The following ENPP1 variants were observed in gnomAD, a reference collection of about 807,000 sequenced individuals.
ENPP1 encodes ectonucleotide pyrophosphatase/phosphodiesterase family member 1.
A neutral mutation model predicts 122.8 loss-of-function variants in ENPP1; 73 were observed. The ratio of observed to expected loss-of-function variants is 0.59; its 90% CI spans 0.49 to 0.72. ENPP1 has a LOEUF of 0.72. Ranked by LOEUF, ENPP1 falls within the 30% of genes least tolerant of loss-of-function variation. The pLI is 0.00. For missense variants in ENPP1, 978 were observed against 1,128.1 expected, an observed-to-expected ratio of 0.87 and a Z score of 1.91; for synonymous variants, 367 against 391.6, an observed-to-expected ratio of 0.94 and a Z score of 0.74.
chr6:131,847,643 T>A, intron 1 of ENPP1, 133 bp from the exon 2 acceptor site: 1 of 656,128 alleles, frequency 1.5e-6, no homozygotes, highest in Non-Finnish European at 2.6e-6. Context: ...GATTTCGAGG[T>A]TACAGTGAAC....
At chr6:131,887,650 C>A (rs1448871070) in intron 24 of ENPP1, among the ~76,000 whole-genome samples, 1 of 146,108 alleles carries the variant, frequency 6.8e-6, no homozygotes, top group Non-Finnish European at 1.5e-5. Flanking sequence ...GCTCCGCCTT[C>A]TGGGCTCACG....
chr6:131,874,149 C>T (rs373608864), intron 15 of ENPP1, 119 bp from the exon 16 acceptor site: 25 of 713,684 alleles, frequency 3.5e-5, no homozygotes, highest in African/African-American at 1.1e-4. Context: ...TTTTATTTAC[C>T]GTTGTGTTGG....
chr6:131,860,874 A>G (rs926420009), intron 8 of ENPP1, among the ~76,000 whole-genome samples: 16 of 152,248 alleles, frequency 1.1e-4, no homozygotes, highest in South Asian at 2.1e-4. Flanking sequence ...CTTCTTTCCA[A>G]TTGTGATCTC....
At chr6:131,872,240 A>G (rs1782171536) in intron 14 of ENPP1, 139 bp downstream of exon 14, 2 of 658,196 alleles carry the variant, frequency 3.0e-6, no homozygotes, top group Non-Finnish European at 5.2e-6. Flanking sequence ...AATGCTGTGT[A>G]GTTTAAAGAT....
chr6:131,860,217 C>T (rs1362878154), intron 7 of ENPP1, among the ~76,000 whole-genome samples, 170 bp from the exon 8 acceptor site: 1 of 152,162 alleles, frequency 6.6e-6, no homozygotes, highest in African/African-American at 2.4e-5. Context: ...TACATAAAAT[C>T]TTAAGAGGTT....
At chr6:131,838,948 C>G (rs977571838) in intron 1 of ENPP1, among the ~76,000 whole-genome samples, 6 of 152,180 alleles carry the variant, frequency 3.9e-5, no homozygotes, top group African/African-American at 1.4e-4. Context: ...ATTCTCTAGC[C>G]CATGAAGAGA....
At chr6:131,856,496 A>G (rs1203486786) in intron 6 of ENPP1, among the ~76,000 whole-genome samples, 1 of 148,352 alleles carries the variant, frequency 6.7e-6, no homozygotes, top group Non-Finnish European at 1.5e-5. Flanking sequence ...TAGTTTAATT[A>G]GATCCCATTT....
chr6:131,826,447 G>T, intron 1 of ENPP1: 1 of 944,718 alleles, frequency 1.1e-6, no homozygotes, highest in Non-Finnish European at 1.7e-6. Flanking sequence ...AGTTTATCCA[G>T]GAATGTAAGT....
chr6:131,846,345 G>T (rs1319662480), intron 1 of ENPP1, among the ~76,000 whole-genome samples: 1 of 152,036 alleles, frequency 6.6e-6, no homozygotes, highest in Non-Finnish European at 1.5e-5. Context: ...GCTAAGATAG[G>T]CTGTTCATTA....
chr6:131,871,510 A>G (rs1782161834), intron 13 of ENPP1, among the ~76,000 whole-genome samples: 1 of 152,232 alleles, frequency 6.6e-6, no homozygotes, highest in South Asian at 2.1e-4. Context: ...CTCCTACTTG[A>G]CAACTCATTT....
intron 20 of ENPP1, among the ~76,000 whole-genome samples, chr6:131,881,751 G>C (rs1211397946): frequency 2.0e-5 from 3 of 151,556 alleles, no homozygotes; most frequent in South Asian, 2.1e-4. Context: ...GGCGTGGTGG[G>C]TCACACCTGT....
intron 20 of ENPP1, 66 bp downstream of exon 20, chr6:131,880,100 C>A: frequency 7.0e-7 from 1 of 1,437,970 alleles, no homozygotes; most frequent in Non-Finnish European, 9.8e-7. Context: ...ACATTAAATG[C>A]ATAGTTTCTC....
chr6:131,892,327 T>A lies in ENPP1; in HGVS notation c.*1816T>A, dbSNP rs1238593990. On this transcript the variant is annotated 3_prime_UTR_variant, in exon 25 of 25. Transcript: ENST00000647893. Reference sequence around the variant, plus strand: ...GGGAATTGGGAGCACTGCTTCATTATTACCAGGTGTGGCTAGGAGTCCAGG... The same window carrying A: ...GGGAATTGGGAGCACTGCTTCATTAATACCAGGTGTGGCTAGGAGTCCAGG... 1 of 152,270 alleles carries A rather than the reference T, an allele frequency of 6.6e-6. No homozygotes were observed. The highest frequency in any genetic ancestry group is 1.5e-5 in the Non-Finnish European group (1 of 68,076). The allele number at this position is 152,270 out of a possible 1,614,324, so 9.4% of individuals were successfully genotyped here.
chr6:131,886,574 C>A lies in ENPP1; in HGVS notation c.2457C>A (p.Val819=). 6.2e-7 allele frequency: 1 copy of A among 1,612,392 alleles called. No individual in the cohort carries two copies. The highest frequency in any genetic ancestry group is 1.1e-5 in the South Asian group (1 of 90,956). ...SLENLRQKRR[V]IRNQEILIPT... is the part of the protein sequence containing the mutation. ...GCATGTTTTACAGAAAAAGAAGAGT[C>A]ATCCGTAACCAAGAAATTTTGATTC... The change falls in exon 24 of 25, where the codon GTC becomes GTA. Residue 819 remains valine (V), a synonymous_variant. Coordinates refer to ENST00000647893, the MANE Select transcript of ENPP1 (RefSeq NM_006208.3).
chr6:131,841,529 C>T (rs768264944), intron 1 of ENPP1, among the ~76,000 whole-genome samples: 11 of 152,194 alleles, frequency 7.2e-5, no homozygotes, highest in Non-Finnish European at 1.3e-4. Flanking sequence ...CACAATGTCA[C>T]TTAACAAACT....
chr6:131,834,054 G>A (rs1781644516), intron 1 of ENPP1, among the ~76,000 whole-genome samples: 1 of 152,206 alleles, frequency 6.6e-6, no homozygotes, highest in African/African-American at 2.4e-5. Context: ...CGGTCTACAA[G>A]TCATGGAGTG....
rs1782222397 is a variant in ENPP1, at chr6:131,875,639, A to T, written c.1636-137A>T. On this transcript the variant is annotated intron_variant, in intron 16 of 24. Coordinates refer to ENST00000647893, the MANE Select transcript of ENPP1 (RefSeq NM_006208.3). ...AGGGTTAAAACTATATTTCCCACAA[A>T]GTCCACTGAGCGTGGTAGTTTTCCT... The T allele has an allele frequency of 9.9e-6, 7 of 708,144 alleles. No individual in the cohort carries two copies. The South Asian group carries it at 1.1e-4, about 11-fold the overall frequency. 43.9% of individuals were successfully genotyped at this position (708,144 alleles called of 1,614,324 possible).
At chr6:131,881,371 C>T (rs892497543) in intron 20 of ENPP1, among the ~76,000 whole-genome samples, 1 of 152,090 alleles carries the variant, frequency 6.6e-6, no homozygotes, top group African/African-American at 2.4e-5. Flanking sequence ...ATAGGCACCC[C>T]ATCCTATTTA....
chr6:131,855,667 A>C (rs1032782871), intron 6 of ENPP1, among the ~76,000 whole-genome samples: 5 of 152,274 alleles, frequency 3.3e-5, no homozygotes, highest in African/African-American at 1.2e-4. Flanking sequence ...AATTTCAAAA[A>C]CTAAAGGTAT....
Sources: allele counts gnomAD v4.1 joint callset (sites outside exome capture counted in the v4.1 genomes callset), GRCh38; gene constraint gnomAD v4.1.1; transcripts MANE v1.5; gene names NCBI Gene and HGNC (gene_info 2026-07-23, HGNC 2026-07-21).